FAXC: variants seen among roughly 807,000 people sequenced by gnomAD.
The protein encoded by FAXC is failed axon connections homolog, metaxin like GST domain containing.
In FAXC, 10 loss-of-function variants were observed where a neutral mutation model predicts 41.9. That is an observed-to-expected ratio of 0.24 (90% confidence interval 0.15 to 0.41). The LOEUF is 0.41. FAXC is among the 10% of genes least tolerant of loss of function. The pLI is 1.00. For missense variants in FAXC, 399 were observed against 510.9 expected, an observed-to-expected ratio of 0.78 and a Z score of 2.11; for synonymous variants, 183 against 183.8, an observed-to-expected ratio of 1.00 and a Z score of 0.03.
At chr6:99,309,969 G>A in intron 4 of FAXC, 11 of 924,884 alleles carry the variant, frequency 1.2e-5, no homozygotes, top group Non-Finnish European at 1.4e-5. Context: ...GAAAAGCACT[G>A]TCATTTGCTG....
At chr6:99,296,805 G>A (rs1184527581) in intron 4 of FAXC, among the ~76,000 whole-genome samples, 1 of 152,182 alleles carries the variant, frequency 6.6e-6, no homozygotes, top group Admixed American at 6.5e-5. Flanking sequence ...TCTGGAGAAG[G>A]AGAGCCCATA....
intron 4 of FAXC, among the ~76,000 whole-genome samples, chr6:99,313,033 C>T (rs1772206010): frequency 6.6e-6 from 1 of 152,232 alleles, no homozygotes; most frequent in Non-Finnish European, 1.5e-5. Flanking sequence ...TGGCTTACGT[C>T]TACAATCCCA....
At chr6:99,330,890 G>A (rs1773003924) in intron 3 of FAXC, among the ~76,000 whole-genome samples, 2 of 152,342 alleles carry the variant, frequency 1.3e-5, no homozygotes, top group East Asian at 1.9e-4. Flanking sequence ...AGCAGAGGAT[G>A]GGAGGTGCCT....
At position 99,349,444 on chromosome 6, in the gene FAXC, G is replaced by C. The variant is rs959069174; in HGVS notation, c.-72C>G. On this transcript the variant is annotated 5_prime_UTR_variant, in exon 1 of 6. Coordinates refer to ENST00000389677, the MANE Select transcript of FAXC (RefSeq NM_032511.4). ...GCATGGGAAGGGGCCGGCGCGGCCCGGCGCGGGCTCAGAGGCGCGCGGAGG... is the reference window on the plus strand; with the variant it reads ...GCATGGGAAGGGGCCGGCGCGGCCCCGCGCGGGCTCAGAGGCGCGCGGAGG... 2.6e-6 allele frequency: 3 copies of C among 1,159,952 alleles called. No individual in the cohort carries two copies. Among genetic ancestry groups the C allele is most frequent in the African/African-American group, 1.7e-5 (1 of 60,292 alleles). 71.9% of individuals were successfully genotyped at this position (1,159,952 alleles called of 1,614,324 possible).
In FAXC at chr6:99,271,358, C is replaced by G. The variant is rs1167486293; in HGVS notation, c.*9806G>C. On this transcript the variant is annotated 3_prime_UTR_variant, in exon 6 of 6. Transcript: ENST00000389677. ...AACTGACGTTGAAGTAGATGTAGAT[C>G]TATTTCAAAGTATTTCTGACTAGGG... 1.3e-5 allele frequency: 2 copies of G among 152,126 alleles called. No homozygotes were observed. The highest frequency in any genetic ancestry group is 1.5e-5 in the Non-Finnish European group (1 of 68,040). 9.4% of individuals were successfully genotyped at this position (152,126 alleles called of 1,614,324 possible). A position where few individuals can be genotyped will look rare whatever the true frequency, so the allele number is the denominator to read the frequency against.
At chr6:99,326,858 G>A in intron 3 of FAXC, among the ~76,000 whole-genome samples, 1 of 152,134 alleles carries the variant, frequency 6.6e-6, no homozygotes, top group Non-Finnish European at 1.5e-5. Context: ...TGGGAAATGG[G>A]GGCACGCACA....
Position 99,279,272 on chromosome 6 carries a change from A to G in FAXC, c.*1892T>C, listed in dbSNP as rs1043111083. 3 of 152,160 alleles carry G rather than the reference A, an allele frequency of 2.0e-5. No individual in the cohort carries two copies. Among genetic ancestry groups the G allele is most frequent in the African/African-American group, 7.2e-5 (3 of 41,438 alleles). The allele number at this position is 152,160 out of a possible 1,614,324, so 9.4% of individuals were successfully genotyped here. On this transcript the variant is annotated 3_prime_UTR_variant, in exon 6 of 6. Transcript: ENST00000389677. Reference sequence around the variant, plus strand: ...TTTAAATAAGAATGGTTTTAATAAGATATTAACAACTAAGTTTCCCATGGA... The same window carrying G: ...TTTAAATAAGAATGGTTTTAATAAGGTATTAACAACTAAGTTTCCCATGGA...
chr6:99,292,169 A>T (rs1018036559), intron 4 of FAXC, among the ~76,000 whole-genome samples: 3 of 152,170 alleles, frequency 2.0e-5, no homozygotes, highest in African/African-American at 7.2e-5. Context: ...AACACCTGGA[A>T]GTTTGCTTAA....
At chr6:99,331,340 C>G (rs1173186295) in intron 3 of FAXC, among the ~76,000 whole-genome samples, 2 of 152,140 alleles carry the variant, frequency 1.3e-5, no homozygotes, top group Admixed American at 6.5e-5. Context: ...AAATTAAGAT[C>G]TTTTCCCACG....
At position 99,333,527 on chromosome 6, in the gene FAXC, G is replaced by A. The variant is rs751136648; in HGVS notation, c.423C>T (p.Leu141=). 13 of 1,610,460 alleles carry A rather than the reference G, an allele frequency of 8.1e-6. No homozygotes were observed. Among genetic ancestry groups the A allele is most frequent in the Middle Eastern group, 1.7e-4 (1 of 6,050 alleles). ...LPYQNYFGGK[L]SAQGKMPWIE... is the part of the protein sequence containing the mutation. The stretch of plus-strand genomic sequence containing the variant: ...TCCAAGGCATTTTCCCTTGAGCAGA[G>A]AGTTTTCCACCAAAATAGTTCTAAG... The change falls in exon 3 of 6, where the codon CTC becomes CTT. Residue 141 remains leucine (L), a synonymous_variant. Coordinates refer to ENST00000389677, the MANE Select transcript of FAXC (RefSeq NM_032511.4).
chr6:99,300,578 G>A (rs1214498612), intron 4 of FAXC, among the ~76,000 whole-genome samples: 2 of 152,152 alleles, frequency 1.3e-5, no homozygotes, highest in Non-Finnish European at 2.9e-5. Context: ...CAGCTGAAAT[G>A]GTGAGATTTG....
intron 4 of FAXC, among the ~76,000 whole-genome samples, chr6:99,321,181 A>G (rs772894268): frequency 2.4e-4 from 37 of 152,206 alleles, no homozygotes; most frequent in Non-Finnish European, 4.6e-4. Context: ...ACCCATCTTC[A>G]TATTCCTCAG....
intron 4 of FAXC, among the ~76,000 whole-genome samples, chr6:99,320,882 C>A (rs886377990): frequency 6.6e-6 from 1 of 152,224 alleles, no homozygotes. Flanking sequence ...ACCAAGTACA[C>A]GTCTCTGTCG....
chr6:99,323,774 G>T, intron 3 of FAXC, 107 bp from the exon 4 acceptor site: 1 of 793,474 alleles, frequency 1.3e-6, no homozygotes, highest in Non-Finnish European at 2.1e-6. Flanking sequence ...TGGAGGAACT[G>T]AATAACTGCA....
intron 5 of FAXC, among the ~76,000 whole-genome samples, chr6:99,288,375 A>G (rs1771100442): frequency 6.6e-6 from 1 of 152,082 alleles, no homozygotes; most frequent in Non-Finnish European, 1.5e-5. Context: ...ATGTGAGTAG[A>G]TGTGAGTGTG....
rs563865795 is a variant in FAXC at position 99,319,498 on chromosome 6, A to G, written c.823+3946T>C. ...GATGCTGGTCACGCCTGCCCTCCAC[A>G]TTTGCCTGCTGTTTGATTACTTCTA... On this transcript the variant is annotated intron_variant, in intron 4 of 5. Transcript: ENST00000389677. Among the ~76,000 whole-genome samples, 3 of 151,328 alleles carry G rather than the reference A, an allele frequency of 2.0e-5. No individual in the cohort carries two copies. In the East Asian group the frequency reaches 5.8e-4, roughly 29 times the overall value.
chr6:99,337,103 T>A (rs13208402), intron 2 of FAXC, among the ~76,000 whole-genome samples: 57,606 of 152,062 alleles, frequency 0.38, 11,394 homozygotes, highest in Middle Eastern at 0.46. Context: ...TGTCAGGATT[T>A]CTGCAACTTA....
chr6:99,292,847 C>G (rs899628339), intron 4 of FAXC, among the ~76,000 whole-genome samples: 1 of 152,170 alleles, frequency 6.6e-6, no homozygotes, highest in Admixed American at 6.6e-5. Flanking sequence ...CACTCTATTG[C>G]CCAGGCTGGA....
At chr6:99,343,167 T>G (rs964296455) in intron 1 of FAXC, 134 bp from the exon 2 acceptor site, 1 of 726,386 alleles carries the variant, frequency 1.4e-6, no homozygotes, top group African/African-American at 1.8e-5. Flanking sequence ...GGGGCTTACA[T>G]CACCCAGCAC....
Sources: allele counts gnomAD v4.1 joint callset (sites outside exome capture counted in the v4.1 genomes callset), GRCh38; gene constraint gnomAD v4.1.1; transcripts MANE v1.5; gene names NCBI Gene and HGNC (gene_info 2026-07-23, HGNC 2026-07-21).